The following SHISA9 variants were observed in gnomAD, a reference collection of about 807,000 sequenced individuals.
The protein encoded by SHISA9 is protein shisa-9.
SHISA9 carries 13 observed loss-of-function variants against 38.0 expected under a neutral mutation model. The observed-to-expected ratio is 0.34, with a 90% CI of 0.22 to 0.54. The LOEUF (loss-of-function observed/expected upper bound fraction) is 0.54. Ranked by LOEUF, SHISA9 falls within the 20% of genes least tolerant of loss-of-function variation. The pLI is 0.91. For missense variants in SHISA9, 538 were observed against 575.8 expected (o/e 0.93, Z 0.67); for synonymous variants, 275 against 242.0 (o/e 1.14, Z -1.27).
chr16:13,277,967 TGAGAGTGGGC>T, the SHISA9 span, among the ~76,000 whole-genome samples: 3 of 152,070 alleles, frequency 2.0e-5, no homozygotes, highest in Non-Finnish European at 4.4e-5. Flanking sequence ...AGAGGAGTGG[TGAGAGTGGGC>T]CTCCTTGTCT....
chr16:13,385,250 A>C, the SHISA9 span, among the ~76,000 whole-genome samples: 33 of 152,296 alleles, frequency 2.2e-4, 1 homozygote, highest in East Asian at 3.7e-3. Context: ...GGTGTTTTTT[A>C]CAGAAAATTA....
chr16:13,161,268 G>A (rs2050592818), intron 2 of SHISA9, among the ~76,000 whole-genome samples: 1 of 152,028 alleles, frequency 6.6e-6, no homozygotes. Context: ...TACATTGATG[G>A]GTCGCTCTGT....
At chr16:13,189,414 G>T (rs1286172683) in intron 2 of SHISA9, among the ~76,000 whole-genome samples, 1 of 152,220 alleles carries the variant, frequency 6.6e-6, no homozygotes, top group African/African-American at 2.4e-5. Context: ...ACACAAACCT[G>T]GCATCGAATC....
Position 12,902,101 on chromosome 16 carries a change from C to T in SHISA9, c.37C>T (p.Leu13Phe), listed in dbSNP as rs1258748101. Residue 13 changes from leucine to phenylalanine, a missense_variant, in exon 1 of 5, where the codon CTC (leucine) becomes TTC (phenylalanine). By Grantham distance (22) the Leu-to-Phe change is conservative (BLOSUM62 0). Around this residue, in one of 4 missense-constraint regions of SHISA9, gnomAD observed 107 missense variants for 103.0 expected, o/e 1.04. Transcript: ENST00000558583. The stretch of plus-strand genomic sequence containing the variant: ...CCTTCGGCTGCTCCTCGGTTGCTTC[C>T]TCACCGAGCTGTGCGCCCGCGTGTG... Reference protein sequence around the residue: ...RVLRLLLGCFLTELCARVCRA... With the variant: ...RVLRLLLGCFFTELCARVCRA... The T allele has an allele frequency of 2.7e-6, 4 of 1,497,168 alleles. No homozygotes were observed. In the Admixed American group the frequency reaches 8.8e-5, roughly 33 times the overall value. 92.7% of individuals were successfully genotyped at this position (1,497,168 alleles called of 1,614,324 possible). A position where few individuals can be genotyped will look rare whatever the true frequency, so the allele number is the denominator to read the frequency against.
At chr16:13,169,793 G>A (rs1221485321) in intron 2 of SHISA9, among the ~76,000 whole-genome samples, 2 of 152,182 alleles carry the variant, frequency 1.3e-5, no homozygotes, top group Non-Finnish European at 2.9e-5. Flanking sequence ...TATGCTCTGT[G>A]TCCCAGCTTC....
the SHISA9 span, among the ~76,000 whole-genome samples, chr16:13,439,369 A>AAC: frequency 8.7e-4 from 132 of 151,444 alleles, no homozygotes; most frequent in Middle Eastern, 6.9e-3. Context: ...ATTCTCACCA[A>AAC]ACACACACAC....
chr16:13,379,173 G>A, the SHISA9 span, among the ~76,000 whole-genome samples: 3 of 152,226 alleles, frequency 2.0e-5, no homozygotes, highest in Non-Finnish European at 2.9e-5. Context: ...CAGAGGATGT[G>A]GGCCATGGTG....
the SHISA9 span, among the ~76,000 whole-genome samples, chr16:13,409,942 T>TGAGA: frequency 0.012 from 1,837 of 152,334 alleles, 34 homozygotes; most frequent in African/African-American, 0.042. Context: ...AGGCATGTTG[T>TGAGA]GAGAATGGGA....
the SHISA9 span, among the ~76,000 whole-genome samples, chr16:13,449,632 T>C: frequency 6.6e-6 from 1 of 152,308 alleles, no homozygotes; most frequent in Admixed American, 6.5e-5. Flanking sequence ...ATACAGCATA[T>C]TTGCCCTTCC....
At position 12,978,095 on chromosome 16, in the gene SHISA9, A is replaced by G. The variant is rs562614522; in HGVS notation, c.691+61280A>G. ...GTTGGTGCAAAGACAGGCAAGAGAA[A>G]CAAACAGAAAGGGAGTACTTGGAAA... On this transcript the variant is annotated intron_variant, in intron 2 of 4. Coordinates refer to ENST00000558583, the MANE Select transcript of SHISA9 (RefSeq NM_001145204.3). 3.5e-4 allele frequency among the ~76,000 whole-genome samples: 53 copies of G among 152,312 alleles called. 2 individuals carry two copies. The South Asian group carries it at 0.011, about 32-fold the overall frequency.
the SHISA9 span, among the ~76,000 whole-genome samples, chr16:13,502,199 C>G: frequency 1.4e-5 from 2 of 146,418 alleles, no homozygotes; most frequent in Non-Finnish European, 3.1e-5. Flanking sequence ...CAGATTCCCA[C>G]CTACAAAATA....
At chr16:13,416,816 A>AG in the SHISA9 span, among the ~76,000 whole-genome samples, 1 of 138,988 alleles carries the variant, frequency 7.2e-6, no homozygotes, top group Non-Finnish European at 1.6e-5. Flanking sequence ...AAGGAAGGGA[A>AG]GGAATGAAGG....
the SHISA9 span, among the ~76,000 whole-genome samples, chr16:13,469,368 AG>A: frequency 4.1e-3 from 285 of 69,798 alleles, no homozygotes; most frequent in Middle Eastern, 0.011. Context: ...GAAAAGAAAA[AG>A]AAAGAAAGAA....
chr16:13,488,905 G>A, the SHISA9 span, among the ~76,000 whole-genome samples: 1 of 152,110 alleles, frequency 6.6e-6, no homozygotes, highest in Admixed American at 6.6e-5. Context: ...GGGACTACAG[G>A]CGCCTGCCAC....
the SHISA9 span, among the ~76,000 whole-genome samples, chr16:13,448,600 G>A: frequency 1.3e-5 from 2 of 152,212 alleles, no homozygotes; most frequent in Admixed American, 1.3e-4. Flanking sequence ...ACATGTTCCT[G>A]ATATGTCCTC....
the SHISA9 span, among the ~76,000 whole-genome samples, chr16:13,248,698 CCACCCATTAGGA>C: frequency 4.6e-5 from 7 of 152,166 alleles, no homozygotes; most frequent in Non-Finnish European, 1.0e-4. Context: ...TTATCGACTC[CCACCCATTAGGA>C]ACCAGGCTAA....
downstream of SHISA9, among the ~76,000 whole-genome samples, chr16:13,241,118 C>G (rs2051431899): frequency 6.6e-6 from 1 of 152,080 alleles, no homozygotes; most frequent in South Asian, 2.1e-4. Context: ...GTTTACGTGC[C>G]CATGGCCATC....
At position 12,992,802 on chromosome 16, in the gene SHISA9, C is replaced by G. The variant is rs1469558142; in HGVS notation, c.691+75987C>G. On this transcript the variant is annotated intron_variant, in intron 2 of 4. Transcript: ENST00000558583. ...TGTCTTGCATGTTTCAAAGGGCATG[C>G]ATTACAGGGATGGTAACATTTACTG... Among the ~76,000 whole-genome samples, 6 of 152,156 alleles carry G rather than the reference C, an allele frequency of 3.9e-5. No individual in the cohort carries two copies. The East Asian group carries it at 1.2e-3, about 29-fold the overall frequency.
the SHISA9 span, among the ~76,000 whole-genome samples, chr16:13,292,852 G>C: frequency 9.3e-3 from 1,420 of 152,130 alleles, 25 homozygotes; most frequent in African/African-American, 0.033. Flanking sequence ...GTTGAATGAG[G>C]GCACTGCTTC....
Sources: gnomAD v4.1 joint callset for allele counts (sites outside exome capture counted in the v4.1 genomes callset) on GRCh38, gnomAD v4.1.1 for gene constraint, gnomAD v4.1.1 regional missense constraint, MANE v1.5 for transcripts, NCBI Gene and HGNC (gene_info 2026-07-23, HGNC 2026-07-21) for gene names.